THEMIS2: variants seen among roughly 807,000 people sequenced by gnomAD.
THEMIS2 encodes the protein thymocyte selection associated family member 2, also known as protein THEMIS2.
In THEMIS2, 29 loss-of-function variants were observed where a neutral mutation model predicts 46.8. That is an observed-to-expected ratio of 0.62 (90% confidence interval 0.46 to 0.84). THEMIS2 has a LOEUF of 0.84. THEMIS2 is among the 40% of genes least tolerant of loss of function. The pLI is 0.00. For missense variants in THEMIS2, 698 were observed against 834.7 expected, an observed-to-expected ratio of 0.84 and a Z score of 2.02; for synonymous variants, 335 against 349.1, an observed-to-expected ratio of 0.96 and a Z score of 0.45.
chr1:27,878,633 G>C (rs947289606), intron 2 of THEMIS2, among the ~76,000 whole-genome samples: 4 of 151,522 alleles, frequency 2.6e-5, no homozygotes, highest in African/African-American at 9.7e-5. Context: ...CCATTTGAGA[G>C]TAAATTGCAG....
chr1:27,880,304 C>A (rs1379521634), intron 3 of THEMIS2, among the ~76,000 whole-genome samples: 1 of 152,194 alleles, frequency 6.6e-6, no homozygotes, highest in Non-Finnish European at 1.5e-5. Context: ...CCTGCCTCAG[C>A]CTCCCGAGTA....
rs2148640613 is a variant in THEMIS2, at chr1:27,881,952, G to A, written c.647-19G>A. On this transcript the variant is annotated intron_variant, in intron 3 of 5. Transcript: ENST00000373921. ...TCCTGGGGTGGCATGCAGTGCCACT[G>A]AGCTGCCCCTCTCCACAGTGCGCAG... The A allele has an allele frequency of 1.9e-6, 3 of 1,584,448 alleles. No homozygotes were observed. The highest frequency in any genetic ancestry group is 1.1e-5 in the South Asian group (1 of 87,438).
intron 2 of THEMIS2, 78 bp downstream of exon 2, chr1:27,876,806 C>G: frequency 6.5e-7 from 1 of 1,537,066 alleles, no homozygotes; most frequent in Non-Finnish European, 8.8e-7. Flanking sequence ...GGGCTTGCCA[C>G]GTCCAGCAGT....
chr1:27,882,426 C>G lies in THEMIS2; in HGVS notation c.1102C>G (p.Leu368Val). ...EREENPEFTS[L>V]AVGDRLEVLG... is the part of the protein sequence containing the mutation. ...GGAGGAGAATCCCGAGTTCACGTCC[C>G]TGGCTGTGGGTGACCGGCTGGAGGT... Residue 368 changes from leucine (L) to valine (V), a missense_variant, in exon 4 of 6, where the codon CTG becomes GTG. By Grantham distance (32) the Leu-to-Val change is conservative (BLOSUM62 1). Coordinates refer to ENST00000373921, the MANE Select transcript of THEMIS2 (RefSeq NM_001105556.3). The surrounding 1 kb of genome is among the most constrained non-coding windows in gnomAD (Gnocchi z 7.6). 6.2e-7 allele frequency: 1 copy of G among 1,612,240 alleles called. No individual in the cohort carries two copies. The highest frequency in any genetic ancestry group is 8.5e-7 in the Non-Finnish European group (1 of 1,178,668).
intron 1 of THEMIS2, among the ~76,000 whole-genome samples, chr1:27,873,830 G>A (rs1388668441): frequency 6.6e-6 from 1 of 152,060 alleles, no homozygotes; most frequent in Non-Finnish European, 1.5e-5. Context: ...CCTGCCTGAC[G>A]CGGGATGGTG....
At chr1:27,885,781 C>G (rs148594427) in intron 5 of THEMIS2, 86 bp from the exon 6 acceptor site, 1 of 1,359,152 alleles carries the variant, frequency 7.4e-7, no homozygotes, top group African/African-American at 1.4e-5. Flanking sequence ...CCACCTCTTT[C>G]CCTGCACAGA....
intron 1 of THEMIS2, among the ~76,000 whole-genome samples, chr1:27,874,832 C>T (rs916589557): frequency 1.3e-5 from 2 of 151,970 alleles, no homozygotes; most frequent in Non-Finnish European, 2.9e-5. Context: ...TTCCTGTCCT[C>T]AAGCAGTCCT....
intron 4 of THEMIS2, 89 bp downstream of exon 4, chr1:27,883,132 A>G: frequency 8.8e-7 from 1 of 1,134,278 alleles, no homozygotes; most frequent in Non-Finnish European, 1.2e-6. Flanking sequence ...TTCTCTTGCA[A>G]CTGTGTAAAC....
chr1:27,878,905 C>A (rs2089631344), intron 2 of THEMIS2, among the ~76,000 whole-genome samples: 1 of 152,214 alleles, frequency 6.6e-6, no homozygotes, highest in Admixed American at 6.5e-5. Context: ...CTCCTTCAGA[C>A]TGGAACAGTT....
chr1:27,883,020 C>G lies in THEMIS2; in HGVS notation c.1696C>G (p.His566Asp). The stretch of plus-strand genomic sequence containing the variant: ...TCAGGGCCTCAGCAAGCAGAGGAGA[C>G]ACAGCAGTGAGGGAGGCGTCAAGGT... The part of the protein sequence containing the change: ...KNQGLSKQRR[H>D]SSEGGVKSSQ... Residue 566 changes from histidine to aspartate, a missense_variant, in exon 4 of 6, where the codon CAC (histidine) becomes GAC (aspartate). Transcript: ENST00000373921. 6.2e-7 allele frequency: 1 copy of G among 1,613,454 alleles called. No homozygotes were observed.
chr1:27,881,973 C>A lies in THEMIS2; in HGVS notation c.649C>A (p.Arg217Ser). The part of the protein sequence containing the change: ...QYEIQAIMHM[R>S]RTIVKIPSTL... ...CACTGAGCTGCCCCTCTCCACAGTG[C>A]GCAGGACCATTGTCAAGATCCCTTC... Residue 217 changes from arginine to serine, a missense_variant and splice_region_variant, in exon 4 of 6, where the codon CGC (arginine) becomes AGC (serine). Physicochemically the swap from Arg to Ser is moderately radical, Grantham distance 110. Coordinates refer to ENST00000373921, the MANE Select transcript of THEMIS2 (RefSeq NM_001105556.3). 1 of 1,608,788 alleles carries A rather than the reference C, an allele frequency of 6.2e-7. No homozygotes were observed. Among genetic ancestry groups the A allele is most frequent in the Non-Finnish European group, 8.5e-7 (1 of 1,177,314 alleles).
intron 4 of THEMIS2, among the ~76,000 whole-genome samples, 177 bp downstream of exon 4, chr1:27,883,220 T>A (rs2148642671): frequency 6.6e-6 from 1 of 152,254 alleles, no homozygotes; most frequent in Non-Finnish European, 1.5e-5. Flanking sequence ...TTGGCATGAT[T>A]ATCAGTATCT....
Position 27,880,088 on chromosome 1 carries a change from G to T in THEMIS2, c.646+34G>T, listed in dbSNP as rs74901598. 13,877 of 1,547,596 alleles carry T rather than the reference G, an allele frequency of 9.0e-3. 1,005 individuals are homozygous for T. In the African/African-American group the frequency reaches 0.16, roughly 18 times the overall value. The stretch of plus-strand genomic sequence containing the variant: ...CCTGGGCAGATGGATGCGCGCTGCT[G>T]GGGGAGAGAAAGAGGGTTGCCCCTG... On this transcript the variant is annotated intron_variant, in intron 3 of 5. Coordinates refer to ENST00000373921, the MANE Select transcript of THEMIS2 (RefSeq NM_001105556.3).
At chr1:27,879,197 GGCTCTGGCCAGCA>G (rs1004806059) in intron 2 of THEMIS2, among the ~76,000 whole-genome samples, 3 of 152,156 alleles carry the variant, frequency 2.0e-5, no homozygotes, top group Admixed American at 2.0e-4. Context: ...GGTCTGAGGT[GGCTCTGGCCAGCA>G]GCTCCTGGGA....
intron 2 of THEMIS2, among the ~76,000 whole-genome samples, chr1:27,878,563 A>G (rs2089627060): frequency 1.3e-5 from 2 of 150,818 alleles, no homozygotes; most frequent in Non-Finnish European, 2.9e-5. Flanking sequence ...CTCCCTCTCC[A>G]TACATACACA....
intron 4 of THEMIS2, chr1:27,884,544 G>C (rs1381937046): frequency 1.3e-5 from 2 of 152,216 alleles, no homozygotes; most frequent in African/African-American, 2.4e-5. Flanking sequence ...TGCTGAAAAG[G>C]GTACTTTCCA....
intron 4 of THEMIS2, chr1:27,884,947 G>A (rs1046137459): frequency 5.6e-5 from 11 of 196,812 alleles, no homozygotes; most frequent in East Asian, 1.6e-4. Flanking sequence ...CTCAGGCGTC[G>A]TCACAAGGCT....
chr1:27,885,742 A>G, intron 5 of THEMIS2, 125 bp from the exon 6 acceptor site: 1 of 941,320 alleles, frequency 1.1e-6, no homozygotes, highest in African/African-American at 1.7e-5. Flanking sequence ...CGTGGTTTCT[A>G]GGCTAGCAAA....
At chr1:27,881,849 A>C in intron 3 of THEMIS2, 122 bp from the exon 4 acceptor site, 1 of 749,248 alleles carries the variant, frequency 1.3e-6, no homozygotes, top group Non-Finnish European at 2.1e-6. Flanking sequence ...TCTCAAAAAA[A>C]AAAAAAGAAA....
Sources: allele counts gnomAD v4.1 joint callset (sites outside exome capture counted in the v4.1 genomes callset), GRCh38; gene constraint gnomAD v4.1.1; non-coding constraint Gnocchi (gnomAD v3.1); transcripts MANE v1.5; gene names NCBI Gene and HGNC (gene_info 2026-07-23, HGNC 2026-07-21).